The following SLC16A7 variants were observed in gnomAD, a reference collection of about 807,000 sequenced individuals.
The protein encoded by SLC16A7 is monocarboxylate transporter 2.
A neutral mutation model predicts 34.9 loss-of-function variants in SLC16A7; 33 were observed. That is an observed-to-expected ratio of 0.94 (90% CI 0.72 to 1.26). The LOEUF (loss-of-function observed/expected upper bound fraction) is 1.26, where lower values mean the gene tolerates loss of function less well. SLC16A7 is among the 50% of genes most tolerant of loss of function. The pLI is 0.00. For synonymous variants in SLC16A7, 201 were observed against 206.6 expected (o/e 0.97, Z 0.23); for missense variants, 573 against 578.1 (o/e 0.99, Z 0.09).
intron 3 of SLC16A7, chr12:59,763,957 C>CGAGATA (rs1421162837): frequency 6.6e-6 from 1 of 152,176 alleles, no homozygotes; most frequent in Non-Finnish European, 1.5e-5. Context: ...TCTCCTAGGG[C>CGAGATA]CTCTCTACTG....
At chr12:59,597,222 TACACACAC>T (rs57912392) in intron 1 of SLC16A7, 8,885 of 134,574 alleles carry the variant, frequency 0.066, 334 homozygotes, top group African/African-American at 0.1. Context: ...ATTAAAATTT[TACACACAC>T]ACACACACAC....
intron 5 of SLC16A7, among the ~76,000 whole-genome samples, chr12:59,778,423 T>C (rs919632517): frequency 6.6e-6 from 1 of 152,144 alleles, no homozygotes; most frequent in African/African-American, 2.4e-5. Context: ...GGGAGAATGC[T>C]ATGGATTCTG....
At chr12:59,600,208 A>C (rs1878619349) in intron 1 of SLC16A7, among the ~76,000 whole-genome samples, 1 of 152,242 alleles carries the variant, frequency 6.6e-6, no homozygotes, top group Non-Finnish European at 1.5e-5. Context: ...TTAGGTATTA[A>C]ATATTTGGCT....
rs1219953816 is a variant in SLC16A7 at position 59,782,589 on chromosome 12, G to C, written c.*2910G>C. 1 of 152,148 alleles carries C rather than the reference G, an allele frequency of 6.6e-6. No individual in the cohort carries two copies. Among genetic ancestry groups the C allele is most frequent in the East Asian group, 1.9e-4 (1 of 5,190 alleles). The allele number at this position is 152,148 out of a possible 1,614,324, so 9.4% of individuals were successfully genotyped here. ...TATGAAATTGTACAGAAGAAAGGGTGTCATTAAATCAAGGTATCCAGATAA... is the reference window on the plus strand; with the variant it reads ...TATGAAATTGTACAGAAGAAAGGGTCTCATTAAATCAAGGTATCCAGATAA... On this transcript the variant is annotated 3_prime_UTR_variant, in exon 6 of 6. Coordinates refer to ENST00000547379, the MANE Select transcript of SLC16A7 (RefSeq NM_001270623.2).
intron 3 of SLC16A7, among the ~76,000 whole-genome samples, chr12:59,765,200 T>G (rs955558848): frequency 1.2e-4 from 19 of 152,074 alleles, no homozygotes; most frequent in African/African-American, 4.4e-4. Context: ...TCTTGTAAAT[T>G]TGTTTGAGTT....
chr12:59,718,371 T>G (rs1445631394), intron 3 of SLC16A7, among the ~76,000 whole-genome samples: 2 of 152,136 alleles, frequency 1.3e-5, no homozygotes, highest in Non-Finnish European at 2.9e-5. Flanking sequence ...TAAACAATTT[T>G]TTGCCTTTTT....
intron 1 of SLC16A7, among the ~76,000 whole-genome samples, chr12:59,637,786 T>C (rs895632791): frequency 6.6e-6 from 1 of 152,128 alleles, no homozygotes; most frequent in Non-Finnish European, 1.5e-5. Context: ...AATGAGGTGA[T>C]TAGGTCATAA....
chr12:59,604,715 G>A (rs1878853025), intron 1 of SLC16A7, among the ~76,000 whole-genome samples: 1 of 152,168 alleles, frequency 6.6e-6, no homozygotes. Flanking sequence ...TTTGCCCAAG[G>A]TTACACATCT....
At chr12:59,614,766 A>T (rs570096753) in intron 1 of SLC16A7, among the ~76,000 whole-genome samples, 3 of 142,028 alleles carry the variant, frequency 2.1e-5, no homozygotes, top group Non-Finnish European at 4.6e-5. Context: ...AAGCGGGTGG[A>T]TCACGAGGTC....
At chr12:59,677,434 C>A in intron 2 of SLC16A7, among the ~76,000 whole-genome samples, 1 of 152,268 alleles carries the variant, frequency 6.6e-6, no homozygotes, top group East Asian at 1.9e-4. Context: ...ATGTTATCTT[C>A]TTTTACCTAA....
Position 59,779,976 on chromosome 12 carries a change from C to T in SLC16A7, c.*297C>T, listed in dbSNP as rs917463450. The T allele has an allele frequency of 4.1e-6, 1 of 243,106 alleles. No homozygotes were observed. The highest frequency in any genetic ancestry group is 2.3e-5 in the African/African-American group (1 of 43,326). 15.1% of individuals were successfully genotyped at this position (243,106 alleles called of 1,614,324 possible). A position where few individuals can be genotyped will look rare whatever the true frequency, so the allele number is the denominator to read the frequency against. On this transcript the variant is annotated 3_prime_UTR_variant, in exon 6 of 6. Transcript: ENST00000547379. ...TTAAAGTCTTCCAGTGACTTTCGGT[C>T]TTGGTTATATGGAGAATTCTGAATC...
intron 2 of SLC16A7, among the ~76,000 whole-genome samples, chr12:59,683,301 A>G (rs983237519): frequency 1.3e-5 from 2 of 152,136 alleles, no homozygotes; most frequent in African/African-American, 4.8e-5. Flanking sequence ...CCTTCTATTG[A>G]AGATGGAGGA....
chr12:59,705,593 T>A (rs961524437), intron 3 of SLC16A7, among the ~76,000 whole-genome samples: 1 of 152,170 alleles, frequency 6.6e-6, no homozygotes, highest in African/African-American at 2.4e-5. Context: ...CATTCTATGT[T>A]CAAATGAGGG....
At chr12:59,667,259 A>G (rs760749628) in intron 2 of SLC16A7, among the ~76,000 whole-genome samples, 12 of 152,206 alleles carry the variant, frequency 7.9e-5, no homozygotes, top group Admixed American at 2.0e-4. Context: ...CAGCCAAACC[A>G]TATCAGGAGG....
intron 3 of SLC16A7, among the ~76,000 whole-genome samples, chr12:59,723,890 G>T (rs965668180): frequency 3.3e-5 from 5 of 151,498 alleles, no homozygotes; most frequent in Non-Finnish European, 5.9e-5. Flanking sequence ...TTTCTTCCAT[G>T]TGAGAAGTAT....
intron 1 of SLC16A7, among the ~76,000 whole-genome samples, chr12:59,630,024 T>G (rs1880108686): frequency 6.6e-6 from 1 of 151,898 alleles, no homozygotes; most frequent in Non-Finnish European, 1.5e-5. Context: ...TTATACATAG[T>G]AGTCACAAGT....
At chr12:59,766,513 C>T (rs899601366) in intron 3 of SLC16A7, among the ~76,000 whole-genome samples, 1 of 152,114 alleles carries the variant, frequency 6.6e-6, no homozygotes, top group African/African-American at 2.4e-5. Context: ...CCATCAATAC[C>T]TAATTTATTG....
Sources: gnomAD v4.1 joint callset for allele counts (sites outside exome capture counted in the v4.1 genomes callset) on GRCh38, gnomAD v4.1.1 for gene constraint, MANE v1.5 for transcripts, NCBI Gene and HGNC (gene_info 2026-07-23, HGNC 2026-07-21) for gene names.